Variants in TAOK2 observed in about 807,000 individuals in gnomAD.
TAOK2 encodes TAO kinase 2, also known as serine/threonine-protein kinase TAO2.
Under a neutral mutation model 122.5 loss-of-function variants are expected in TAOK2, and 42 were observed. The observed-to-expected ratio is 0.34, with a 90% confidence interval of 0.27 to 0.44. TAOK2 has a LOEUF of 0.44. Among genes scored for constraint, TAOK2 ranks in the 20% least tolerant of loss-of-function variants. TAOK2 has a pLI of 1.00. For synonymous variants in TAOK2, 704 were observed against 677.6 expected, an observed-to-expected ratio of 1.04 and a Z score of -0.61; for missense variants, 1,264 against 1,644.9, an observed-to-expected ratio of 0.77 and a Z score of 4.01.
At chr16:29,975,469 G>T (rs1001159193) in intron 1 of TAOK2, among the ~76,000 whole-genome samples, 6 of 152,266 alleles carry the variant, frequency 3.9e-5, no homozygotes, top group East Asian at 1.9e-4. Flanking sequence ...GTTTGGGCTC[G>T]GCCAGGGGTC....
intron 1 of TAOK2, among the ~76,000 whole-genome samples, chr16:29,974,876 G>A (rs948911141): frequency 6.6e-6 from 1 of 152,072 alleles, no homozygotes; most frequent in Non-Finnish European, 1.5e-5. Flanking sequence ...GGTCTCTGAT[G>A]TCACCGGCGT....
chr16:29,986,891 G>A lies in TAOK2; in HGVS notation c.2619G>A (p.Trp873Ter), dbSNP rs2069817182. The A allele has an allele frequency of 6.2e-7, 1 of 1,613,946 alleles. No individual in the cohort carries two copies. Among genetic ancestry groups the A allele is most frequent in the Admixed American group, 1.7e-5 (1 of 60,000 alleles). ...AGGAGGCTGGGACATGGAGCTTGTG[G>A]GGGAAGGAGGATGAGAGTCTTCTGG... ...GQEEAGTWSL[W>*]GKEDESLLDE... is the part of the protein sequence containing the mutation. The change falls in exon 16 of 16, where the codon TGG (tryptophan) becomes TGA (stop). Residue 873 changes from tryptophan (W) to a stop codon, truncating the protein, a stop_gained. Transcript: ENST00000308893. LOFTEE classifies it high-confidence loss of function. The surrounding 1 kb of genome is among the most constrained non-coding windows in gnomAD (Gnocchi z 4.2).
intron 4 of TAOK2, 148 bp downstream of exon 4, chr16:29,978,501 A>T: frequency 1.1e-6 from 1 of 902,136 alleles, no homozygotes; most frequent in South Asian, 1.5e-5. Context: ...TAGTCCTCAG[A>T]CATACCCACT....
At position 29,981,934 on chromosome 16, in the gene TAOK2, C is replaced by T; in HGVS notation, c.825C>T (p.Leu275=). 1 of 1,613,084 alleles carries T rather than the reference C, an allele frequency of 6.2e-7. No individual in the cohort carries two copies. The highest frequency in any genetic ancestry group is 8.5e-7 in the Non-Finnish European group (1 of 1,179,470). Residue 275 remains leucine (L), a synonymous_variant, in exon 10 of 16, where the codon CTC becomes CTT. Transcript: ENST00000308893. ...IPQDRPTSEV[L]LKHRFVLRER... is the part of the protein sequence containing the mutation. ...AAGACAGACCAACCTCAGAGGTTCT[C>T]CTGAAGGTGAGGGCCTGCTGGCCTA...
chr16:29,985,931 C>T lies in TAOK2; in HGVS notation c.1992+70C>T. 1.3e-6 allele frequency: 2 copies of T among 1,533,478 alleles called. No individual in the cohort carries two copies. Among genetic ancestry groups the T allele is most frequent in the South Asian group, 1.2e-5 (1 of 84,148 alleles). 95.0% of individuals were successfully genotyped at this position (1,533,478 alleles called of 1,614,324 possible). On this transcript the variant is annotated intron_variant, in intron 15 of 15. Coordinates refer to ENST00000308893, the MANE Select transcript of TAOK2 (RefSeq NM_016151.4). The surrounding 1 kb of genome is among the most constrained non-coding windows in gnomAD (Gnocchi z 6.9). ...CCAGGGACCCACCCTTTTCCATTTT[C>T]CTCATTCTTGTCTTCTTTCTCCTTG...
At chr16:29,982,961 T>G (rs118077752) in intron 11 of TAOK2, 60 bp downstream of exon 11, 1 of 1,605,176 alleles carries the variant, frequency 6.2e-7, no homozygotes, top group East Asian at 2.2e-5. Flanking sequence ...CCCCTGCAGT[T>G]GCTTGGCCCC....
intron 4 of TAOK2, 136 bp downstream of exon 4, chr16:29,978,489 T>C (rs2069523835): frequency 2.0e-6 from 2 of 991,850 alleles, no homozygotes; most frequent in Non-Finnish European, 3.1e-6. Context: ...TTTTGACCGC[T>C]TTAGTCCTCA....
chr16:29,986,847 A>G lies in TAOK2; in HGVS notation c.2575A>G (p.Arg859Gly), dbSNP rs757238729. Residue 859 changes from arginine (R) to glycine (G), a missense_variant, in exon 16 of 16, where the codon AGG (arginine) becomes GGG (glycine). Physicochemically the swap from Arg to Gly is moderately radical, Grantham distance 125. Coordinates refer to ENST00000308893, the MANE Select transcript of TAOK2 (RefSeq NM_016151.4). The surrounding 1 kb of genome is among the most constrained non-coding windows in gnomAD (Gnocchi z 4.2). ...LRVPSLVPQE[R>G]SIVGQEEAGT... is the part of the protein sequence containing the mutation. ...GGTGCCCTCCCTTGTACCCCAGGAG[A>G]GGAGCATTGTTGGCCAGGAGGAGGC... 6.2e-7 allele frequency: 1 copy of G among 1,613,952 alleles called. No homozygotes were observed. Among genetic ancestry groups the G allele is most frequent in the Non-Finnish European group, 8.5e-7 (1 of 1,179,930 alleles).
downstream of TAOK2, chr16:29,989,992 C>T: frequency 1.6e-6 from 1 of 618,650 alleles, no homozygotes; most frequent in Non-Finnish European, 2.8e-6. Context: ...TTTATTCTTT[C>T]TCTTAGTATT....
At position 29,986,562 on chromosome 16, in the gene TAOK2, C is replaced by A; in HGVS notation, c.2290C>A (p.Pro764Thr). ...ACTCCCCATTCCTGGGGCTCTGGGC[C>A]CACCCAACACAGGCACCCCTATAGA... ...LPLPIPGALG[P>T]PNTGTPIEQQ... Residue 764 changes from proline (P) to threonine (T), a missense_variant, in exon 16 of 16, where the codon CCA becomes ACA. By Grantham distance (38) the Pro-to-Thr change is conservative. Transcript: ENST00000308893. The surrounding 1 kb of genome is among the most constrained non-coding windows in gnomAD (Gnocchi z 4.2). 1.2e-6 allele frequency: 2 copies of A among 1,613,898 alleles called. No individual in the cohort carries two copies. Among genetic ancestry groups the A allele is most frequent in the Non-Finnish European group, 1.7e-6 (2 of 1,179,918 alleles).
chr16:29,991,684 C>A, downstream of TAOK2: 1 of 1,290,888 alleles, frequency 7.7e-7, no homozygotes, highest in Non-Finnish European at 1.0e-6. This position sits in a 1 kb window ranked among gnomAD's most constrained non-coding sequence, Gnocchi z 5.6. Context: ...TAGGCTCCAG[C>A]TCCCCTCAGA....
intron 13 of TAOK2, 95 bp downstream of exon 13, chr16:29,983,759 G>A (rs2069696837): frequency 6.6e-7 from 1 of 1,510,370 alleles, no homozygotes; most frequent in Non-Finnish European, 8.9e-7. Context: ...ATGGGATTGA[G>A]TCTGGATTCT....
chr16:29,982,212 A>T (rs140781439), intron 10 of TAOK2, among the ~76,000 whole-genome samples: 41 of 152,342 alleles, frequency 2.7e-4, no homozygotes, highest in Admixed American at 1.1e-3. Flanking sequence ...GCATGTGATA[A>T]CCAGGGTTGC....
intron 1 of TAOK2, among the ~76,000 whole-genome samples, chr16:29,976,107 TG>T (rs1434770236): frequency 2.0e-5 from 3 of 152,230 alleles, no homozygotes; most frequent in Admixed American, 2.0e-4. Context: ...CATGATGTTT[TG>T]CCAGTGGGTG....
chr16:29,982,949 G>A, intron 11 of TAOK2, 48 bp downstream of exon 11: 1 of 1,607,084 alleles, frequency 6.2e-7, no homozygotes, highest in Non-Finnish European at 8.5e-7. Context: ...ATGTGTGCCT[G>A]CCCCCTGCAG....
chr16:29,985,995 C>A lies in TAOK2; in HGVS notation c.1992+134C>A. ...ACAGTTCAGCTTTGCTTCAGTGCCC[C>A]TTTTACTTCTCATCCCCAACAGACC... is the stretch of plus-strand genomic sequence containing the variant. On this transcript the variant is annotated intron_variant, in intron 15 of 15. Coordinates refer to ENST00000308893, the MANE Select transcript of TAOK2 (RefSeq NM_016151.4). The surrounding 1 kb of genome is among the most constrained non-coding windows in gnomAD (Gnocchi z 6.9). 1 of 1,179,420 alleles carries A rather than the reference C, an allele frequency of 8.5e-7. No homozygotes were observed. The highest frequency in any genetic ancestry group is 1.2e-6 in the Non-Finnish European group (1 of 843,212). The allele number at this position is 1,179,420 out of a possible 1,614,324, so 73.1% of individuals were successfully genotyped here.
At chr16:29,989,520 C>T, downstream of TAOK2, 1 of 1,600,962 alleles carries the variant, frequency 6.2e-7, no homozygotes, top group Non-Finnish European at 8.5e-7. Flanking sequence ...GTTGTTCCTC[C>T]TCTTCCTCTT....
Position 29,978,304 on chromosome 16 carries a change from C to T in TAOK2, c.257C>T (p.Pro86Leu). The change falls in exon 4 of 16, where the codon CCC (proline) becomes CTC (leucine). Residue 86 changes from proline to leucine, a missense_variant. This residue lies in a region of TAOK2 where 254 missense variants were observed against 503.8 expected (regional missense o/e 0.50). Transcript: ENST00000308893. ...CGGTTCTTACAGAAGCTCCGGCATC[C>T]CAACACCATTCAGTACCGGGGCTGT... ...EVRFLQKLRH[P>L]NTIQYRGCYL... 2 of 1,614,090 alleles carry T rather than the reference C, an allele frequency of 1.2e-6. No individual in the cohort carries two copies. The highest frequency in any genetic ancestry group is 1.7e-6 in the Non-Finnish European group (2 of 1,180,016).
rs2069824076 is a variant in TAOK2, at chr16:29,987,084, T to G, written c.2812T>G (p.Cys938Gly). Residue 938 changes from cysteine to glycine, a missense_variant, in exon 16 of 16, where the codon TGC becomes GGC. Cys to Gly is a radical substitution (Grantham distance 159). This residue lies in a region of TAOK2 where 824 missense variants were observed against 908.7 expected (regional missense o/e 0.91). Transcript: ENST00000308893. ...PEPPPTHLRP[C>G]PASQLPGLLS... ...ACCCCCTCCAACACACCTGAGGCCC[T>G]GCCCTGCCAGCCAGCTCCCTGGACT... 6.2e-7 allele frequency: 1 copy of G among 1,613,326 alleles called. No individual in the cohort carries two copies. Among genetic ancestry groups the G allele is most frequent in the Non-Finnish European group, 8.5e-7 (1 of 1,179,500 alleles).
Sources: gnomAD v4.1 joint callset for allele counts (sites outside exome capture counted in the v4.1 genomes callset) on GRCh38, gnomAD v4.1.1 for gene constraint, gnomAD v4.1.1 regional missense constraint, Gnocchi (gnomAD v3.1) non-coding constraint, MANE v1.5 for transcripts, NCBI Gene and HGNC (gene_info 2026-07-23, HGNC 2026-07-21) for gene names.